PRKDC: variants seen among roughly 807,000 people sequenced by gnomAD.
PRKDC encodes the protein protein kinase, DNA-activated, catalytic subunit, also known as DNA-dependent protein kinase catalytic subunit.
In PRKDC, 82 loss-of-function variants were observed where a neutral mutation model predicts 486.9. The observed-to-expected ratio is 0.17, with a 90% CI of 0.14 to 0.20. The LOEUF (loss-of-function observed/expected upper bound fraction) is 0.20. Among genes scored for constraint, PRKDC ranks in the 10% least tolerant of loss-of-function variants. The pLI is 1.00. For missense variants in PRKDC, 4,504 were observed against 5,038.2 expected, an observed-to-expected ratio of 0.89 and a Z score of 3.21; for synonymous variants, 1,895 against 1,837.0, an observed-to-expected ratio of 1.03 and a Z score of -0.81.
At chr8:47,844,685 GCA>G (rs1201720911) in intron 54 of PRKDC, among the ~76,000 whole-genome samples, 1 of 151,784 alleles carries the variant, frequency 6.6e-6, no homozygotes, top group Non-Finnish European at 1.5e-5. Context: ...ATCATACCAA[GCA>G]CACACTCAGA....
In PRKDC at chr8:47,830,675, C is replaced by T. The variant is rs1484079903; in HGVS notation, c.8327G>A (p.Arg2776Gln). The T allele has an allele frequency of 7.4e-6, 12 of 1,613,924 alleles. No homozygotes were observed. Among genetic ancestry groups the T allele is most frequent in the South Asian group, 2.2e-5 (2 of 91,078 alleles). Residue 2776 changes from arginine to glutamine, a missense_variant, in exon 61 of 86, where the codon CGG becomes CAG. By Grantham distance (43) the Arg-to-Gln change is conservative. Coordinates refer to ENST00000314191, the MANE Select transcript of PRKDC (RefSeq NM_006904.7). ...DAQVVLYRSY[R>Q]HGDLPDIQIK... ...CTGAATGTCAGGAAGGTCTCCGTGC[C>T]GGTAGCTTCTGTACAGAACGACCTG...
At chr8:47,911,757 AT>A (rs1295899689) in intron 25 of PRKDC, among the ~76,000 whole-genome samples, 3 of 151,798 alleles carry the variant, frequency 2.0e-5, no homozygotes, top group South Asian at 4.2e-4. Context: ...AGCCATAGCT[AT>A]TTTTTATTTA....
chr8:47,823,804 C>T, intron 64 of PRKDC, 54 bp downstream of exon 64: 1 of 1,599,426 alleles, frequency 6.3e-7, no homozygotes, highest in Non-Finnish European at 8.6e-7. Flanking sequence ...CATAGTTCAG[C>T]AGAAAACAAA....
chr8:47,847,874 A>AATAT (rs34432546), intron 54 of PRKDC, among the ~76,000 whole-genome samples: 1,923 of 146,202 alleles, frequency 0.013, 15 homozygotes, highest in African/African-American at 0.02. Context: ...GCGGCCAACA[A>AATAT]ATATATATAT....
chr8:47,803,227 A>C (rs2087146196), intron 70 of PRKDC, 79 bp downstream of exon 70: 2 of 1,357,718 alleles, frequency 1.5e-6, no homozygotes, highest in Non-Finnish European at 2.0e-6. Context: ...CAGATGATGC[A>C]GCACAAAGAA....
intron 68 of PRKDC, among the ~76,000 whole-genome samples, chr8:47,812,303 C>A (rs1251781212): frequency 6.6e-6 from 1 of 152,124 alleles, no homozygotes; most frequent in Non-Finnish European, 1.5e-5. Flanking sequence ...TTTATAAAAC[C>A]TGATACCCAG....
intron 64 of PRKDC, 131 bp downstream of exon 64, chr8:47,823,727 T>G: frequency 9.3e-7 from 1 of 1,072,854 alleles, no homozygotes; most frequent in Non-Finnish European, 1.3e-6. Context: ...ATTTTCTTCC[T>G]CATCAACATT....
chr8:47,872,921 C>T (rs1446157797), intron 40 of PRKDC, among the ~76,000 whole-genome samples: 1 of 152,146 alleles, frequency 6.6e-6, no homozygotes, highest in Non-Finnish European at 1.5e-5. Flanking sequence ...CATACTCAAT[C>T]AGCACTACAG....
intron 7 of PRKDC, among the ~76,000 whole-genome samples, chr8:47,950,396 C>T (rs919744793): frequency 2.6e-5 from 4 of 151,880 alleles, no homozygotes; most frequent in East Asian, 1.9e-4. Flanking sequence ...GAGGCCGAGC[C>T]GGGCAGATCA....
At chr8:47,825,354 C>T (rs1252474588) in intron 63 of PRKDC, among the ~76,000 whole-genome samples, 3 of 151,726 alleles carry the variant, frequency 2.0e-5, no homozygotes, top group Non-Finnish European at 4.4e-5. Context: ...ACTAAAAATA[C>T]AAAAATTAGC....
intron 25 of PRKDC, among the ~76,000 whole-genome samples, chr8:47,908,997 G>A (rs1007122875): frequency 6.6e-6 from 1 of 152,018 alleles, no homozygotes; most frequent in Non-Finnish European, 1.5e-5. Flanking sequence ...ATCTCTATTA[G>A]TCCAGTTTCA....
intron 65 of PRKDC, 21 bp from the exon 66 acceptor site, chr8:47,820,964 C>G (rs977520648): frequency 6.8e-7 from 1 of 1,469,816 alleles, no homozygotes; most frequent in African/African-American, 1.4e-5. Flanking sequence ...TAAAAATATA[C>G]TTGTAACTAC....
At chr8:47,952,111 T>G (rs1040528682) in intron 7 of PRKDC, among the ~76,000 whole-genome samples, 1 of 152,242 alleles carries the variant, frequency 6.6e-6, no homozygotes, top group Non-Finnish European at 1.5e-5. Context: ...ATCACAATTC[T>G]AAGTATATAT....
rs761435568 is a variant in PRKDC, at chr8:47,882,164, CCTTT to C, written c.4777-71_4777-68del. On this transcript the variant is annotated intron_variant, in intron 36 of 85. Transcript: ENST00000314191. ...TGAGAATGACAGAAAACAAAATTTA[CCTTT>C]ATTTCAAAGCTATTCTTGGAAAATA... 645 of 1,425,156 alleles carry C rather than the reference CCTTT, an allele frequency of 4.5e-4. 3 individuals are homozygous for C. Among genetic ancestry groups the C allele is most frequent in the Middle Eastern group, 3.3e-3 (18 of 5,536 alleles). The allele number at this position is 1,425,156 out of a possible 1,614,324, so 88.3% of individuals were successfully genotyped here.
At chr8:47,835,685 C>G (rs2088004950) in intron 58 of PRKDC, among the ~76,000 whole-genome samples, 1 of 137,752 alleles carries the variant, frequency 7.3e-6, no homozygotes, top group African/African-American at 2.7e-5. Context: ...TTCAATCATT[C>G]TTAGGTGCAC....
intron 76 of PRKDC, among the ~76,000 whole-genome samples, chr8:47,786,063 G>A (rs543974941): frequency 9.7e-4 from 147 of 151,590 alleles, no homozygotes; most frequent in African/African-American, 3.3e-3. Context: ...CCGAGATCGC[G>A]CCACTGCACT....
At chr8:47,777,199 G>GT (rs992147432) in intron 84 of PRKDC, among the ~76,000 whole-genome samples, 6 of 151,640 alleles carry the variant, frequency 4.0e-5, no homozygotes, top group African/African-American at 1.5e-4. Flanking sequence ...CCAAATAAAG[G>GT]TTTTGCCTGT....
chr8:47,897,029 T>G (rs1589774733), intron 30 of PRKDC, 132 bp downstream of exon 30: 5 of 1,035,820 alleles, frequency 4.8e-6, no homozygotes, highest in Non-Finnish European at 6.9e-6. Flanking sequence ...CCTCATCAAC[T>G]GTTAATATTC....
intron 40 of PRKDC, among the ~76,000 whole-genome samples, chr8:47,874,499 T>G (rs575271064): frequency 2.9e-4 from 44 of 152,352 alleles, no homozygotes; most frequent in African/African-American, 9.4e-4. Context: ...GGCTCACGCC[T>G]GTAATCCTAA....
Sources: allele counts gnomAD v4.1 joint callset (sites outside exome capture counted in the v4.1 genomes callset), GRCh38; gene constraint gnomAD v4.1.1; transcripts MANE v1.5; gene names NCBI Gene and HGNC (gene_info 2026-07-23, HGNC 2026-07-21).